Variants in TENM2 observed in about 807,000 individuals in gnomAD.
TENM2 encodes teneurin transmembrane protein 2.
TENM2 carries 52 observed loss-of-function variants against 245.2 expected under a neutral mutation model. That is an observed-to-expected ratio of 0.21 (90% CI 0.17 to 0.27). The LOEUF (loss-of-function observed/expected upper bound fraction) is 0.27. Ranked by LOEUF, TENM2 falls within the 10% of genes least tolerant of loss-of-function variation. The probability of loss-of-function intolerance (pLI) is 1.00; values close to 1 mark genes in which losing one functional copy is unlikely to be tolerated. For missense variants in TENM2, 3,046 were observed against 3,666.8 expected, an observed-to-expected ratio of 0.83 and a Z score of 4.37; for synonymous variants, 1,363 against 1,438.9, an observed-to-expected ratio of 0.95 and a Z score of 1.19.
At chr5:167,293,368 ATTTTTTTTTT>A (rs199972172) in intron 1 of TENM2, among the ~76,000 whole-genome samples, 5 of 130,542 alleles carry the variant, frequency 3.8e-5, no homozygotes, top group African/African-American at 1.2e-4. Context: ...TGTCCGGCTA[ATTTTTTTTTT>A]TTTTTTTTTT....
intron 2 of TENM2, among the ~76,000 whole-genome samples, chr5:167,430,152 G>C (rs1764128880): frequency 6.6e-6 from 1 of 151,974 alleles, no homozygotes; most frequent in African/African-American, 2.4e-5. Context: ...CCAACGGAGA[G>C]GTTTGTCTGG....
chr5:168,010,752 T>TA (rs1785158834), intron 5 of TENM2, among the ~76,000 whole-genome samples: 1 of 152,272 alleles, frequency 6.6e-6, no homozygotes, highest in Non-Finnish European at 1.5e-5. Context: ...ATTCTGCAGC[T>TA]ACGCTGATTA....
chr5:167,455,073 T>C (rs1358481463), intron 2 of TENM2, among the ~76,000 whole-genome samples: 1 of 152,234 alleles, frequency 6.6e-6, no homozygotes, highest in African/African-American at 2.4e-5. Context: ...AATTAATCCA[T>C]AGATTCCTTT....
chr5:168,034,249 A>G (rs1368691602), intron 5 of TENM2, among the ~76,000 whole-genome samples: 1 of 148,962 alleles, frequency 6.7e-6, no homozygotes, highest in African/African-American at 2.5e-5. Context: ...AGGCTGAGGC[A>G]GGAGAATGAA....
chr5:167,525,663 T>G (rs1450117296), intron 2 of TENM2, among the ~76,000 whole-genome samples: 3 of 152,194 alleles, frequency 2.0e-5, no homozygotes, highest in Non-Finnish European at 4.4e-5. Flanking sequence ...TCCATTTCTA[T>G]GTGTTCCTGT....
intron 4 of TENM2, among the ~76,000 whole-genome samples, chr5:167,959,263 C>T (rs956104936): frequency 1.2e-4 from 18 of 150,296 alleles, no homozygotes; most frequent in African/African-American, 2.7e-4. Flanking sequence ...GGCGCGATCT[C>T]GGCTCACTGC....
At chr5:167,119,427 C>T in the TENM2 span, 1 of 152,156 alleles carries the variant, frequency 6.6e-6, no homozygotes, top group South Asian at 2.1e-4. Flanking sequence ...TAATCAAACA[C>T]CTGAGATTGG....
At chr5:168,115,892 T>C (rs1344157956) in intron 9 of TENM2, among the ~76,000 whole-genome samples, 2 of 152,274 alleles carry the variant, frequency 1.3e-5, no homozygotes, top group Admixed American at 1.3e-4. Flanking sequence ...GATGCCGTGA[T>C]CAATTAGTGA....
At chr5:167,921,284 T>C (rs1465046084) in intron 3 of TENM2, among the ~76,000 whole-genome samples, 1 of 152,206 alleles carries the variant, frequency 6.6e-6, no homozygotes, top group Non-Finnish European at 1.5e-5. Flanking sequence ...ACTCGCTGTG[T>C]ACAGAAAAAA....
intron 4 of TENM2, among the ~76,000 whole-genome samples, chr5:167,960,491 A>G (rs1173620745): frequency 6.6e-6 from 1 of 152,170 alleles, no homozygotes; most frequent in African/African-American, 2.4e-5. Flanking sequence ...CTTTGTTTAC[A>G]CTGTGAGGGG....
At chr5:167,047,670 C>A in the TENM2 span, among the ~76,000 whole-genome samples, 3 of 152,230 alleles carry the variant, frequency 2.0e-5, no homozygotes, top group East Asian at 5.8e-4. Context: ...ATTTCAAAAA[C>A]CTCCTATCCT....
chr5:167,027,598 T>A, the TENM2 span, among the ~76,000 whole-genome samples: 1 of 152,182 alleles, frequency 6.6e-6, no homozygotes, highest in Non-Finnish European at 1.5e-5. Flanking sequence ...ACTTTAATTT[T>A]GAAAAAAATT....
At chr5:167,493,828 G>C (rs983754354) in intron 2 of TENM2, among the ~76,000 whole-genome samples, 3 of 152,094 alleles carry the variant, frequency 2.0e-5, no homozygotes, top group African/African-American at 7.2e-5. Flanking sequence ...GAGTTGACGT[G>C]ATGTTGTGTT....
chr5:167,019,984 A>T, the TENM2 span, among the ~76,000 whole-genome samples: 1 of 152,122 alleles, frequency 6.6e-6, no homozygotes, highest in Admixed American at 6.6e-5. Flanking sequence ...TGAGAAATGG[A>T]GGTAGAATAA....
intron 1 of TENM2, among the ~76,000 whole-genome samples, chr5:167,305,673 G>A (rs971423494): frequency 1.3e-5 from 2 of 152,222 alleles, no homozygotes; most frequent in Admixed American, 6.5e-5. Flanking sequence ...AGAATTGAAA[G>A]CATTCAGCAT....
the TENM2 span, among the ~76,000 whole-genome samples, chr5:167,049,970 C>A: frequency 1.3e-5 from 2 of 152,082 alleles, no homozygotes; most frequent in African/African-American, 4.8e-5. Context: ...GTAGTAGGAA[C>A]CAATTAAAGT....
intron 9 of TENM2, among the ~76,000 whole-genome samples, chr5:168,113,120 C>T (rs1176710911): frequency 6.6e-6 from 1 of 152,022 alleles, no homozygotes; most frequent in African/African-American, 2.4e-5. Flanking sequence ...ACTTCGAGTC[C>T]AGACAGGGCA....
intron 7 of TENM2, among the ~76,000 whole-genome samples, chr5:168,080,366 CT>C (rs1434323138): frequency 1.3e-5 from 2 of 152,054 alleles, no homozygotes; most frequent in Admixed American, 6.6e-5. Context: ...TTTTGTTGAT[CT>C]TTTCAAAAAA....
At chr5:167,154,849 T>C in the TENM2 span, among the ~76,000 whole-genome samples, 5 of 152,196 alleles carry the variant, frequency 3.3e-5, no homozygotes, top group East Asian at 9.6e-4. Context: ...ACATATAAAG[T>C]AATTAGCAGA....
Sources: allele counts gnomAD v4.1 joint callset (sites outside exome capture counted in the v4.1 genomes callset), GRCh38; gene constraint gnomAD v4.1.1; transcripts MANE v1.5; gene names NCBI Gene and HGNC (gene_info 2026-07-23, HGNC 2026-07-21).